ASCC3: variants seen among roughly 807,000 people sequenced by gnomAD.
The protein encoded by ASCC3 is ASC-1 complex subunit P200.
In ASCC3, 158 loss-of-function variants were observed where a neutral mutation model predicts 256.3. That is an observed-to-expected ratio of 0.62 (90% CI 0.54 to 0.70). The LOEUF (loss-of-function observed/expected upper bound fraction) is 0.70. Among genes scored for constraint, ASCC3 ranks in the 30% least tolerant of loss-of-function variants. The probability of loss-of-function intolerance (pLI) is 0.00; values close to 1 mark genes in which losing one functional copy is unlikely to be tolerated. For missense variants in ASCC3, 2,259 were observed against 2,626.0 expected (o/e 0.86, Z 3.05); for synonymous variants, 948 against 883.4 (o/e 1.07, Z -1.30).
intron 36 of ASCC3, among the ~76,000 whole-genome samples, chr6:100,552,028 T>C (rs1321111868): frequency 6.6e-6 from 1 of 151,838 alleles, no homozygotes; most frequent in Non-Finnish European, 1.5e-5. Flanking sequence ...TAACTGTAAC[T>C]CCCCAGGTCC....
At chr6:100,546,732 T>C (rs578168993) in intron 36 of ASCC3, among the ~76,000 whole-genome samples, 12 of 152,294 alleles carry the variant, frequency 7.9e-5, no homozygotes, top group Middle Eastern at 3.4e-3. Context: ...GCTGAAACTT[T>C]TTCACTGAAA....
chr6:100,866,380 T>G (rs1238284303), intron 2 of ASCC3, among the ~76,000 whole-genome samples: 1 of 152,234 alleles, frequency 6.6e-6, no homozygotes, highest in Non-Finnish European at 1.5e-5. Flanking sequence ...TTTATGTACT[T>G]CAAAATCACA....
intron 3 of ASCC3, among the ~76,000 whole-genome samples, chr6:100,853,385 TATCA>T (rs1473350823): frequency 6.6e-6 from 1 of 151,666 alleles, no homozygotes; most frequent in African/African-American, 2.4e-5. Context: ...TGAATTAAAA[TATCA>T]ATCACTTGCA....
chr6:100,737,477 G>T (rs1411718435), intron 10 of ASCC3, among the ~76,000 whole-genome samples: 1 of 152,144 alleles, frequency 6.6e-6, no homozygotes, highest in Non-Finnish European at 1.5e-5. Flanking sequence ...AGAATAGGTG[G>T]TGTTTGGTTT....
intron 11 of ASCC3, among the ~76,000 whole-genome samples, chr6:100,724,683 G>T (rs1241066822): frequency 6.6e-6 from 1 of 151,778 alleles, no homozygotes; most frequent in African/African-American, 2.4e-5. Context: ...GGAGAGGAGG[G>T]AAAAGGAATG....
chr6:100,616,323 CT>C (rs1284666877), intron 30 of ASCC3, among the ~76,000 whole-genome samples: 11 of 152,172 alleles, frequency 7.2e-5, no homozygotes, highest in African/African-American at 2.4e-4. Flanking sequence ...TCTAAAAACA[CT>C]TTAGTATTAA....
chr6:100,569,705 G>A (rs1770486553), intron 36 of ASCC3, among the ~76,000 whole-genome samples: 1 of 152,126 alleles, frequency 6.6e-6, no homozygotes, highest in Admixed American at 6.5e-5. Flanking sequence ...ATAGTTTGAA[G>A]TCAGGTAATG....
intron 29 of ASCC3, among the ~76,000 whole-genome samples, chr6:100,626,541 C>A (rs1338715413): frequency 6.6e-6 from 1 of 152,034 alleles, no homozygotes; most frequent in Non-Finnish European, 1.5e-5. Context: ...TAGTTATTTA[C>A]TATTGATTTA....
At chr6:100,533,778 C>G (rs1562099552) in intron 37 of ASCC3, among the ~76,000 whole-genome samples, 1 of 152,138 alleles carries the variant, frequency 6.6e-6, no homozygotes, top group African/African-American at 2.4e-5. Flanking sequence ...TACTATTTGG[C>G]TTAGTATTAT....
At position 100,518,613 on chromosome 6, in the gene ASCC3, C is replaced by T. The variant is rs371046238; in HGVS notation, c.5776-471G>A. ...CCAAAGAACAGCCTAAAGATAGAGG[C>T]CTGGTTTTCAATGACAATAATACAC... On this transcript the variant is annotated intron_variant, in intron 37 of 41. Transcript: ENST00000369162. 7.2e-5 allele frequency among the ~76,000 whole-genome samples: 11 copies of T among 152,152 alleles called. No homozygotes were observed. In the East Asian group the frequency reaches 2.1e-3, roughly 29 times the overall value.
chr6:100,539,552 A>G (rs1431848270), intron 37 of ASCC3, among the ~76,000 whole-genome samples: 1 of 152,148 alleles, frequency 6.6e-6, no homozygotes, highest in Non-Finnish European at 1.5e-5. Context: ...CTTTTTTACA[A>G]TAAGCCTCTT....
rs1233952741 is a variant in ASCC3, at chr6:100,679,755, G to GA, written c.2152-4dup. ...CGAGCATGTACAAACACCATCACCT[G>GA]AAAAAAAGGAAAGCAGTTTATTTAA... On this transcript the variant is annotated splice_region_variant and splice_polypyrimidine_tract_variant and intron_variant, in intron 13 of 41. Transcript: ENST00000369162. 6.2e-7 allele frequency: 1 copy of GA among 1,612,774 alleles called. No individual in the cohort carries two copies. The highest frequency in any genetic ancestry group is 8.5e-7 in the Non-Finnish European group (1 of 1,179,312).
chr6:100,635,374 T>C (rs535134297), intron 25 of ASCC3, among the ~76,000 whole-genome samples: 18 of 152,108 alleles, frequency 1.2e-4, no homozygotes, highest in Non-Finnish European at 2.1e-4. Flanking sequence ...CACTTACACA[T>C]GGAATTTTTA....
chr6:100,561,506 C>T (rs75853736), intron 36 of ASCC3, among the ~76,000 whole-genome samples: 5,212 of 152,204 alleles, frequency 0.034, 119 homozygotes, highest in Middle Eastern at 0.051. Context: ...GTATCACCCA[C>T]GTCACTTTGG....
intron 36 of ASCC3, among the ~76,000 whole-genome samples, chr6:100,582,808 T>A (rs578071292): frequency 6.6e-6 from 1 of 152,334 alleles, no homozygotes; most frequent in South Asian, 2.1e-4. Flanking sequence ...GGTTGTTGAA[T>A]TTTGTCAAAG....
At chr6:100,619,675 G>A (rs1357731835) in intron 30 of ASCC3, among the ~76,000 whole-genome samples, 1 of 152,116 alleles carries the variant, frequency 6.6e-6, no homozygotes, top group Non-Finnish European at 1.5e-5. Flanking sequence ...CAGAAATACA[G>A]AGTGGTCTCT....
At chr6:100,611,048 T>C (rs1024255018) in intron 30 of ASCC3, among the ~76,000 whole-genome samples, 20 of 152,174 alleles carry the variant, frequency 1.3e-4, no homozygotes, top group Non-Finnish European at 2.8e-4. Flanking sequence ...AATGAATCAT[T>C]TGCCATAGGA....
At chr6:100,839,782 T>C (rs988811249) in intron 4 of ASCC3, among the ~76,000 whole-genome samples, 30 of 152,188 alleles carry the variant, frequency 2.0e-4, no homozygotes, top group Admixed American at 1.8e-3. Flanking sequence ...CCTTCTTCCA[T>C]ATACAGCTCT....
chr6:100,625,138 A>G, intron 30 of ASCC3, 54 bp downstream of exon 30: 1 of 1,592,856 alleles, frequency 6.3e-7, no homozygotes, highest in Non-Finnish European at 8.6e-7. Context: ...TGATCATTCT[A>G]ATATAATACA....
Sources: gnomAD v4.1 joint callset for allele counts (sites outside exome capture counted in the v4.1 genomes callset) on GRCh38, gnomAD v4.1.1 for gene constraint, MANE v1.5 for transcripts, NCBI Gene and HGNC (gene_info 2026-07-23, HGNC 2026-07-21) for gene names.